Variants in ZNF438 observed in about 807,000 individuals in gnomAD.
The protein encoded by ZNF438 is zinc finger protein 438.
In ZNF438, 25 loss-of-function variants were observed where a neutral mutation model predicts 38.0. The ratio of observed to expected loss-of-function variants is 0.66; its 90% CI spans 0.48 to 0.92. ZNF438 has a LOEUF of 0.92. Ranked by LOEUF, ZNF438 falls within the 40% of genes least tolerant of loss-of-function variation. ZNF438 has a pLI of 0.00. For missense variants in ZNF438, 1,007 were observed against 999.6 expected (o/e 1.01, Z -0.10); for synonymous variants, 372 against 364.1 (o/e 1.02, Z -0.25).
intron 1 of ZNF438, among the ~76,000 whole-genome samples, chr10:31,000,474 C>T (rs1009377786): frequency 6.6e-6 from 1 of 152,206 alleles, no homozygotes; most frequent in Non-Finnish European, 1.5e-5. Flanking sequence ...TCTACCCCCA[C>T]AAAACTCTGA....
intron 2 of ZNF438, among the ~76,000 whole-genome samples, chr10:30,913,592 A>T (rs565114720): frequency 6.6e-6 from 1 of 152,126 alleles, no homozygotes; most frequent in East Asian, 1.9e-4. Flanking sequence ...AGAAAGAGTA[A>T]GTGAATTTAG....
chr10:30,986,087 C>T (rs2052750734), intron 1 of ZNF438, among the ~76,000 whole-genome samples: 1 of 152,096 alleles, frequency 6.6e-6, no homozygotes. Context: ...GAGGCTATAC[C>T]AAATAGCCTA....
chr10:30,926,588 C>T lies in ZNF438; in HGVS notation c.-115+14987G>A, dbSNP rs112744136. On this transcript the variant is annotated intron_variant, in intron 2 of 5. Coordinates refer to ENST00000413025, the Ensembl canonical transcript of ZNF438. Reference sequence around the variant, plus strand: ...GGCTGAGACAGGAGAATCACTTGAACCCGGAAGGCAGAGGTTGCAGTGAGC... The same window carrying T: ...GGCTGAGACAGGAGAATCACTTGAATCCGGAAGGCAGAGGTTGCAGTGAGC... Among the ~76,000 whole-genome samples the T allele has an allele frequency of 1.9e-3, 287 of 151,862 alleles. 1 individual carries two copies. Among genetic ancestry groups the T allele is most frequent in the African/African-American group, 6.5e-3 (269 of 41,404 alleles).
At chr10:30,883,740 C>T (rs2039579400) in intron 3 of ZNF438, among the ~76,000 whole-genome samples, 1 of 151,988 alleles carries the variant, frequency 6.6e-6, no homozygotes, top group Admixed American at 6.6e-5. Context: ...ACAAAAAATA[C>T]AAAAATTGGC....
At chr10:31,008,126 G>T (rs1200981532) in intron 1 of ZNF438, among the ~76,000 whole-genome samples, 1 of 152,020 alleles carries the variant, frequency 6.6e-6, no homozygotes, top group Admixed American at 6.6e-5. Context: ...TTGAGTCATG[G>T]CATAAAAATC....
At chr10:31,001,564 A>G (rs757017845) in intron 1 of ZNF438, among the ~76,000 whole-genome samples, 5 of 152,222 alleles carry the variant, frequency 3.3e-5, no homozygotes, top group Non-Finnish European at 5.9e-5. Context: ...AGATTGTAAT[A>G]AAGAAATAAA....
At chr10:30,896,312 AAAAC>A (rs1299988495) in intron 3 of ZNF438, among the ~76,000 whole-genome samples, 4 of 148,454 alleles carry the variant, frequency 2.7e-5, no homozygotes, top group African/African-American at 7.4e-5. Context: ...AAAAAAAAAA[AAAAC>A]AAAAAACTGA....
At chr10:31,024,527 C>G (rs570156454) in intron 1 of ZNF438, among the ~76,000 whole-genome samples, 1 of 152,152 alleles carries the variant, frequency 6.6e-6, no homozygotes, top group South Asian at 2.1e-4. Flanking sequence ...ACTAGGGAGG[C>G]TGAGGCAAGA....
chr10:30,922,260 C>T (rs751772022), intron 2 of ZNF438, among the ~76,000 whole-genome samples: 8 of 152,182 alleles, frequency 5.3e-5, no homozygotes, highest in Admixed American at 3.9e-4. Flanking sequence ...ATCCAGGCAA[C>T]ACATGGTAAG....
chr10:30,852,925 C>T (rs1006677439), intron 4 of ZNF438, among the ~76,000 whole-genome samples: 11 of 151,492 alleles, frequency 7.3e-5, no homozygotes, highest in Non-Finnish European at 1.6e-4. Flanking sequence ...TTTTCATAGC[C>T]TTTAAATTTA....
chr10:30,877,370 T>G (rs569190136), intron 3 of ZNF438, among the ~76,000 whole-genome samples: 1 of 152,310 alleles, frequency 6.6e-6, no homozygotes, highest in Admixed American at 6.5e-5. Flanking sequence ...TCTCTGAAAA[T>G]GTACTCTCTG....
intron 1 of ZNF438, among the ~76,000 whole-genome samples, chr10:30,953,402 T>TA (rs560444530): frequency 0.079 from 11,560 of 146,540 alleles, 517 homozygotes; most frequent in Non-Finnish European, 0.11. Flanking sequence ...TAAAGTATAA[T>TA]AAAAAAAATT....
At chr10:30,972,428 T>C (rs1476543354) in intron 1 of ZNF438, among the ~76,000 whole-genome samples, 1 of 152,250 alleles carries the variant, frequency 6.6e-6, no homozygotes, top group Admixed American at 6.5e-5. Context: ...TATTTTTAAC[T>C]TTTCTTCTAG....
intron 2 of ZNF438, among the ~76,000 whole-genome samples, chr10:30,923,081 T>C (rs2934643): frequency 0.13 from 19,339 of 152,260 alleles, 1,610 homozygotes; most frequent in Middle Eastern, 0.24. Context: ...TCCAGTCCTT[T>C]GCTTTCTACA....
chr10:30,950,201 G>A (rs966102069), intron 1 of ZNF438, among the ~76,000 whole-genome samples: 2 of 151,582 alleles, frequency 1.3e-5, no homozygotes, highest in African/African-American at 4.8e-5. Context: ...TGAAACCAAC[G>A]AGAACAAAGA....
intron 3 of ZNF438, among the ~76,000 whole-genome samples, chr10:30,887,729 C>T (rs7085837): frequency 0.48 from 73,661 of 151,980 alleles, 18,061 homozygotes; most frequent in African/African-American, 0.51. Flanking sequence ...GTCACTTTAC[C>T]ATACCTGACT....
intron 1 of ZNF438, among the ~76,000 whole-genome samples, chr10:31,000,881 G>A (rs1326737268): frequency 6.6e-6 from 1 of 151,598 alleles, no homozygotes. Context: ...AAATCTTTTA[G>A]TGGCTTCTGA....
At chr10:30,922,203 A>T (rs1252359333) in intron 2 of ZNF438, among the ~76,000 whole-genome samples, 2 of 152,192 alleles carry the variant, frequency 1.3e-5, no homozygotes, top group Non-Finnish European at 2.9e-5. Context: ...TGGAGATTTC[A>T]GTGAGCGCAA....
intron 4 of ZNF438, among the ~76,000 whole-genome samples, chr10:30,865,177 C>G (rs1016648122): frequency 6.6e-6 from 1 of 152,146 alleles, no homozygotes; most frequent in Non-Finnish European, 1.5e-5. Context: ...TTTGAACAAC[C>G]TTTTTCCAAT....
Sources: allele counts gnomAD v4.1 joint callset (sites outside exome capture counted in the v4.1 genomes callset), GRCh38; gene constraint gnomAD v4.1.1; transcripts MANE v1.5; gene names NCBI Gene and HGNC (gene_info 2026-07-23, HGNC 2026-07-21).